Variants in RALGAPA2 observed in about 807,000 individuals in gnomAD.
RALGAPA2 encodes ral GTPase-activating protein subunit alpha-2.
Under a neutral mutation model 230.4 loss-of-function variants are expected in RALGAPA2, and 139 were observed. The observed-to-expected ratio is 0.60, with a 90% CI of 0.53 to 0.69. The LOEUF is 0.69. Ranked by LOEUF, RALGAPA2 falls within the 30% of genes least tolerant of loss-of-function variation. The pLI is 0.00. For missense variants in RALGAPA2, 2,163 were observed against 2,276.0 expected (o/e 0.95, Z 1.01); for synonymous variants, 847 against 837.8 (o/e 1.01, Z -0.19).
At chr20:20,596,471 T>A (rs948876116) in intron 16 of RALGAPA2, among the ~76,000 whole-genome samples, 1 of 152,176 alleles carries the variant, frequency 6.6e-6, no homozygotes. Flanking sequence ...TATGCCTACA[T>A]ACTTGGATTT....
In RALGAPA2 at chr20:20,639,895, T is replaced by A. The variant is rs779214367; in HGVS notation, c.556A>T (p.Ile186Leu). 35 of 1,604,678 alleles carry A rather than the reference T, an allele frequency of 2.2e-5. 1 individual carries two copies. In the Admixed American group the frequency reaches 5.2e-4, roughly 24 times the overall value. The change falls in exon 7 of 40, where the codon ATA becomes TTA. Residue 186 changes from isoleucine (I) to leucine (L), a missense_variant. Transcript: ENST00000202677. ...AGTGGAGTGATTTCTTCTGGATATA[T>A]CTTTACTGAAAGGACAGAAAATGAT... The part of the protein sequence containing the change: ...NPSPSVADVK[I>L]YPEEITPLLP...
chr20:20,589,624 T>A (rs1003516032), intron 17 of RALGAPA2, among the ~76,000 whole-genome samples: 2 of 152,070 alleles, frequency 1.3e-5, no homozygotes, highest in Non-Finnish European at 2.9e-5. Flanking sequence ...AGCGCATTTA[T>A]GTTCGCACAG....
intron 30 of RALGAPA2, among the ~76,000 whole-genome samples, chr20:20,522,567 T>C (rs915790436): frequency 6.6e-6 from 1 of 152,186 alleles, no homozygotes; most frequent in East Asian, 1.9e-4. Context: ...GACCAGTGGC[T>C]ATGGGGAGGC....
At chr20:20,554,115 C>T (rs1381586978) in intron 23 of RALGAPA2, among the ~76,000 whole-genome samples, 1 of 152,110 alleles carries the variant, frequency 6.6e-6, no homozygotes, top group Non-Finnish European at 1.5e-5. Context: ...TTTTCATTAC[C>T]TCAAAATGAA....
At chr20:20,470,219 C>T (rs2061508287) in intron 37 of RALGAPA2, among the ~76,000 whole-genome samples, 1 of 152,210 alleles carries the variant, frequency 6.6e-6, no homozygotes, top group Non-Finnish European at 1.5e-5. Context: ...TTTGCTCCAG[C>T]AATGCCCCCA....
chr20:20,627,556 T>C (rs575150725), intron 10 of RALGAPA2, among the ~76,000 whole-genome samples: 1 of 152,316 alleles, frequency 6.6e-6, no homozygotes, highest in East Asian at 1.9e-4. Flanking sequence ...GCCATGTGAT[T>C]AGTTAGGTCT....
intron 37 of RALGAPA2, among the ~76,000 whole-genome samples, chr20:20,448,773 A>T (rs946943982): frequency 6.6e-6 from 1 of 151,878 alleles, no homozygotes; most frequent in African/African-American, 2.4e-5. Context: ...CTTTAAAAAA[A>T]TGTTAATCTT....
intron 27 of RALGAPA2, 121 bp from the exon 28 acceptor site, chr20:20,526,483 A>T (rs2063207734): frequency 4.6e-6 from 3 of 648,578 alleles, no homozygotes; most frequent in South Asian, 4.6e-5. Context: ...TTTGCCTCAA[A>T]TTGATGAAAA....
chr20:20,503,686 T>TA (rs2062446950), intron 34 of RALGAPA2, among the ~76,000 whole-genome samples, 180 bp from the exon 35 acceptor site: 1 of 152,180 alleles, frequency 6.6e-6, no homozygotes, highest in Non-Finnish European at 1.5e-5. Context: ...TAAAAAACAT[T>TA]AAAAATGAAA....
rs543491880 is a variant in RALGAPA2 at position 20,688,658 on chromosome 20, G to A, written c.107-7857C>T. On this transcript the variant is annotated intron_variant, in intron 1 of 39. Coordinates refer to ENST00000202677, the MANE Select transcript of RALGAPA2 (RefSeq NM_020343.4). ...CCTACTTCTATACCTCAGTCTCCCCGACCAGACTGTTAGCAGAGAGTGTCA... is the reference window on the plus strand; with the variant it reads ...CCTACTTCTATACCTCAGTCTCCCCAACCAGACTGTTAGCAGAGAGTGTCA... Among the ~76,000 whole-genome samples the A allele has an allele frequency of 1.6e-3, 249 of 152,196 alleles. 1 individual carries two copies. The highest frequency in any genetic ancestry group is 5.3e-3 in the African/African-American group (219 of 41,510).
chr20:20,596,396 G>C (rs2065456562), intron 16 of RALGAPA2, among the ~76,000 whole-genome samples: 1 of 152,176 alleles, frequency 6.6e-6, no homozygotes, highest in Non-Finnish European at 1.5e-5. Flanking sequence ...ATCATTGATA[G>C]GGTAAGGAGC....
chr20:20,601,601 G>C, intron 16 of RALGAPA2, 81 bp downstream of exon 16: 3 of 1,402,118 alleles, frequency 2.1e-6, no homozygotes, highest in Non-Finnish European at 2.9e-6. Context: ...ATTTTGAGTA[G>C]AATTTTTAAC....
At chr20:20,548,132 C>T (rs985627964) in intron 23 of RALGAPA2, among the ~76,000 whole-genome samples, 42 of 152,088 alleles carry the variant, frequency 2.8e-4, no homozygotes, top group Non-Finnish European at 4.9e-4. Context: ...TCTCCACACA[C>T]ACACACACAC....
At chr20:20,582,684 C>T (rs967343638) in intron 20 of RALGAPA2, among the ~76,000 whole-genome samples, 3 of 152,098 alleles carry the variant, frequency 2.0e-5, no homozygotes, top group East Asian at 1.9e-4. Context: ...TAGACTCACT[C>T]GTGTTCACTT....
At chr20:20,428,626 T>G (rs956740722) in intron 37 of RALGAPA2, among the ~76,000 whole-genome samples, 1 of 152,128 alleles carries the variant, frequency 6.6e-6, no homozygotes, top group Non-Finnish European at 1.5e-5. Flanking sequence ...AGGCTGGACA[T>G]GATCCCAAAT....
intron 37 of RALGAPA2, among the ~76,000 whole-genome samples, chr20:20,440,820 G>A (rs1442044800): frequency 6.6e-6 from 1 of 152,238 alleles, no homozygotes; most frequent in African/African-American, 2.4e-5. Context: ...GGTTAACGAG[G>A]ACCCACTTTC....
At chr20:20,613,730 C>A (rs557220381) in intron 13 of RALGAPA2, among the ~76,000 whole-genome samples, 1 of 152,286 alleles carries the variant, frequency 6.6e-6, no homozygotes, top group South Asian at 2.1e-4. Flanking sequence ...GCTTTTGTAT[C>A]TGCTGCTCTT....
intron 37 of RALGAPA2, among the ~76,000 whole-genome samples, chr20:20,456,773 C>A (rs1050665215): frequency 6.6e-6 from 1 of 152,192 alleles, no homozygotes; most frequent in Non-Finnish European, 1.5e-5. Flanking sequence ...ACCCACAGAA[C>A]CATAGAAGAG....
At chr20:20,490,647 CAA>C (rs911065690) in intron 36 of RALGAPA2, among the ~76,000 whole-genome samples, 2 of 152,128 alleles carry the variant, frequency 1.3e-5, no homozygotes, top group African/African-American at 4.8e-5. Context: ...GTTGCAAAGT[CAA>C]ACACTCTCCC....
Sources: gnomAD v4.1 joint callset for allele counts (sites outside exome capture counted in the v4.1 genomes callset) on GRCh38, gnomAD v4.1.1 for gene constraint, MANE v1.5 for transcripts, NCBI Gene and HGNC (gene_info 2026-07-23, HGNC 2026-07-21) for gene names.